Variants in C4BPA observed in about 807,000 individuals in gnomAD.
C4BPA encodes the protein complement component 4 binding protein alpha.
In C4BPA, 31 loss-of-function variants were observed where a neutral mutation model predicts 63.7. That is an observed-to-expected ratio of 0.49 (90% CI 0.37 to 0.66). The LOEUF is 0.66. C4BPA is among the 30% of genes least tolerant of loss of function. The pLI, the probability that C4BPA is intolerant of heterozygous loss-of-function variation, is 0.00. For missense variants in C4BPA, 572 were observed against 723.3 expected, an observed-to-expected ratio of 0.79 and a Z score of 2.40; for synonymous variants, 259 against 254.7, an observed-to-expected ratio of 1.02 and a Z score of -0.16.
intron 7 of C4BPA, among the ~76,000 whole-genome samples, chr1:207,130,149 T>G (rs1197766444): frequency 6.6e-6 from 1 of 152,222 alleles, no homozygotes; most frequent in Admixed American, 6.5e-5. Context: ...GCTCATTGTT[T>G]TACTGTGTGG....
rs749278626 is a variant in C4BPA at position 207,144,615 on chromosome 1, T to G, written c.1692T>G (p.Asp564Glu). Residue 564 changes from aspartate (D) to glutamate (E), a missense_variant, in exon 12 of 12, where the codon GAT (aspartate) becomes GAG (glutamate). Asp to Glu is a conservative substitution (Grantham distance 45). Coordinates refer to ENST00000367070, the MANE Select transcript of C4BPA (RefSeq NM_000715.4). ...RLMQCLPNPEDVKMALEVYKL... is the reference protein window; with the variant it reads ...RLMQCLPNPEEVKMALEVYKL... Reference sequence around the variant, plus strand: ...TGCAGTGTCTCCCAAACCCAGAGGATGTGAAAATGGCCCTGGAGGTATATA... The same window carrying G: ...TGCAGTGTCTCCCAAACCCAGAGGAGGTGAAAATGGCCCTGGAGGTATATA... 2 of 1,613,432 alleles carry G rather than the reference T, an allele frequency of 1.2e-6. No individual in the cohort carries two copies. The highest frequency in any genetic ancestry group is 2.2e-5 in the South Asian group (2 of 91,038).
At chr1:207,132,237 A>G (rs1685175251) in intron 8 of C4BPA, among the ~76,000 whole-genome samples, 1 of 152,200 alleles carries the variant, frequency 6.6e-6, no homozygotes, top group Non-Finnish European at 1.5e-5. Flanking sequence ...CTGACTCGTG[A>G]CTGAGCATTC....
intron 1 of C4BPA, among the ~76,000 whole-genome samples, chr1:207,105,140 T>C (rs1217532997): frequency 1.3e-5 from 2 of 152,164 alleles, no homozygotes; most frequent in East Asian, 1.9e-4. Flanking sequence ...TCTCTAAATA[T>C]GGTAACACCA....
chr1:207,121,845 C>A (rs967508540), intron 4 of C4BPA, among the ~76,000 whole-genome samples: 1 of 151,880 alleles, frequency 6.6e-6, no homozygotes, highest in African/African-American at 2.4e-5. Context: ...CCTCCTTCAC[C>A]CCTTCTATCT....
chr1:207,120,141 C>G (rs571473350), intron 4 of C4BPA, among the ~76,000 whole-genome samples: 1 of 152,248 alleles, frequency 6.6e-6, no homozygotes, highest in Non-Finnish European at 1.5e-5. Flanking sequence ...ATTAGTCACA[C>G]CAACCATCAA....
At chr1:207,124,471 A>G in intron 6 of C4BPA, 105 bp downstream of exon 6, 1 of 807,780 alleles carries the variant, frequency 1.2e-6, no homozygotes, top group Non-Finnish European at 2.0e-6. Flanking sequence ...TCAAAGATAA[A>G]CTAACTATCG....
intron 1 of C4BPA, among the ~76,000 whole-genome samples, chr1:207,108,288 T>G (rs1315528036): frequency 1.3e-5 from 2 of 152,216 alleles, no homozygotes; most frequent in African/African-American, 4.8e-5. Flanking sequence ...ACAGAAATGT[T>G]TATTTAAATA....
chr1:207,124,206 G>A lies in C4BPA; in HGVS notation c.546G>A (p.Arg182=), dbSNP rs1281378787. The A allele has an allele frequency of 6.2e-7, 1 of 1,613,870 alleles. No homozygotes were observed. Among genetic ancestry groups the A allele is most frequent in the Non-Finnish European group, 8.5e-7 (1 of 1,179,872 alleles). The change falls in exon 6 of 12, where the codon AGG becomes AGA. Residue 182 remains arginine (R), a synonymous_variant. Coordinates refer to ENST00000367070, the MANE Select transcript of C4BPA (RefSeq NM_000715.4). ...IVKCKPPPDI[R]NGRHSGEENF... is the part of the protein sequence containing the mutation. ...AGTGTAAGCCTCCTCCAGACATCAG[G>A]AATGGAAGGCACAGCGGTGAAGAAA...
chr1:207,118,997 A>G (rs1684870525), intron 4 of C4BPA, among the ~76,000 whole-genome samples: 1 of 150,510 alleles, frequency 6.6e-6, no homozygotes, highest in African/African-American at 2.4e-5. Flanking sequence ...GGACTCAGGA[A>G]GGGAAGATAG....
rs12043615 is a variant in C4BPA at position 207,141,043 on chromosome 1, C to T, written c.1274-63C>T. ...CCTCCTACAAACTACATGTATTCTG[C>T]AATGTGCTACTTTATACACTTTACA... On this transcript the variant is annotated intron_variant, in intron 9 of 11. Transcript: ENST00000367070. The T allele has an allele frequency of 0.18, 230,221 of 1,287,716 alleles. 23,233 individuals are homozygous for T. Among genetic ancestry groups the T allele is most frequent in the Non-Finnish European group, 0.21 (192,365 of 924,784 alleles). 79.8% of individuals were successfully genotyped at this position (1,287,716 alleles called of 1,614,324 possible). A position where few individuals can be genotyped will look rare whatever the true frequency, so the allele number is the denominator to read the frequency against.
chr1:207,121,063 C>T (rs1222021119), intron 4 of C4BPA, among the ~76,000 whole-genome samples: 2 of 152,208 alleles, frequency 1.3e-5, no homozygotes, highest in Non-Finnish European at 2.9e-5. Context: ...TTGCCCCGGT[C>T]TTCCAAACTG....
intron 1 of C4BPA, among the ~76,000 whole-genome samples, chr1:207,107,363 C>T (rs1194817053): frequency 6.6e-6 from 1 of 152,154 alleles, no homozygotes; most frequent in Non-Finnish European, 1.5e-5. Context: ...GCTTGAGCAA[C>T]ATAGTGAGAC....
At chr1:207,111,333 A>G (rs568620449) in intron 1 of C4BPA, among the ~76,000 whole-genome samples, 1 of 152,336 alleles carries the variant, frequency 6.6e-6, no homozygotes, top group African/African-American at 2.4e-5. Context: ...CTGTGAACAC[A>G]TTTCCAGTAA....
intron 9 of C4BPA, among the ~76,000 whole-genome samples, chr1:207,137,532 G>T (rs1056758959): frequency 3.9e-5 from 6 of 152,190 alleles, no homozygotes; most frequent in Admixed American, 1.3e-4. Context: ...TTGGTAATTG[G>T]TTGAATTATT....
At chr1:207,111,360 A>G (rs1283623389) in intron 1 of C4BPA, among the ~76,000 whole-genome samples, 2 of 152,202 alleles carry the variant, frequency 1.3e-5, no homozygotes, top group East Asian at 3.9e-4. Flanking sequence ...ACAACTGGTA[A>G]ATTGCTCGTT....
At position 207,119,817 on chromosome 1, in the gene C4BPA, T is replaced by TCA. The variant is rs1289843473; in HGVS notation, c.429-4105_429-4104insCA. On this transcript the variant is annotated intron_variant, in intron 4 of 11. Transcript: ENST00000367070. Reference sequence around the variant, plus strand: ...CTTTTATGGTCCTTGTTTATGCAACTGGTCATGTGGTTGTAGCAGATATTT... The same window carrying TCA: ...CTTTTATGGTCCTTGTTTATGCAACTCAGGTCATGTGGTTGTAGCAGATATTT... 8.8e-5 allele frequency among the ~76,000 whole-genome samples: 13 copies of TCA among 148,232 alleles called. 2 individuals are homozygous for TCA. The highest frequency in any genetic ancestry group is 1.5e-4 in the Non-Finnish European group (10 of 66,792).
chr1:207,113,246 A>G, intron 2 of C4BPA, 79 bp downstream of exon 2: 1 of 1,456,290 alleles, frequency 6.9e-7, no homozygotes. Flanking sequence ...GCTAAAAAAA[A>G]TGATGACTGA....
intron 4 of C4BPA, among the ~76,000 whole-genome samples, chr1:207,118,121 TATCTATC>T (rs1309989134): frequency 4.7e-5 from 7 of 148,508 alleles, no homozygotes; most frequent in Admixed American, 2.7e-4. Flanking sequence ...ATCTATCATC[TATCTATC>T]ATCTATCTGT....
intron 1 of C4BPA, among the ~76,000 whole-genome samples, chr1:207,105,820 G>T (rs891463431): frequency 6.6e-6 from 1 of 152,168 alleles, no homozygotes; most frequent in Non-Finnish European, 1.5e-5. Flanking sequence ...TTTTTCCAGT[G>T]ACTCTCAAAT....
Sources: gnomAD v4.1 joint callset for allele counts (sites outside exome capture counted in the v4.1 genomes callset) on GRCh38, gnomAD v4.1.1 for gene constraint, MANE v1.5 for transcripts, NCBI Gene and HGNC (gene_info 2026-07-23, HGNC 2026-07-21) for gene names.